Variants in ARHGAP6 observed in about 807,000 individuals in gnomAD.
ARHGAP6 encodes the protein rho GTPase-activating protein 6.
A neutral mutation model predicts 55.7 loss-of-function variants in ARHGAP6; 16 were observed. That is an observed-to-expected ratio of 0.29 (90% CI 0.19 to 0.44). The LOEUF (loss-of-function observed/expected upper bound fraction) is 0.44. ARHGAP6 is among the 20% of genes least tolerant of loss of function. ARHGAP6 has a pLI of 1.00. For missense variants in ARHGAP6, 698 were observed against 808.9 expected (o/e 0.86, Z 1.66); for synonymous variants, 382 against 360.9 (o/e 1.06, Z -0.66).
chrX:11,632,671 T>C (rs1348339442), intron 1 of ARHGAP6, among the ~76,000 whole-genome samples: 1 of 112,472 alleles, frequency 8.9e-6, no homozygotes, highest in African/African-American at 3.2e-5. Context: ...GTCTGGTACA[T>C]TAAGACCCAG....
intron 1 of ARHGAP6, among the ~76,000 whole-genome samples, chrX:11,576,492 G>A (rs2051600499): frequency 8.9e-6 from 1 of 111,802 alleles, no homozygotes; most frequent in South Asian, 3.7e-4. Context: ...GGGAAGGGCT[G>A]AGTTAATTGC....
chrX:11,570,916 A>AGT (rs1326853199), intron 1 of ARHGAP6, among the ~76,000 whole-genome samples: 4 of 111,248 alleles, frequency 3.6e-5, no homozygotes, highest in Non-Finnish European at 7.5e-5. Flanking sequence ...AGCCCTAATA[A>AGT]GTGTATTTGT....
At chrX:11,553,732 T>C (rs900377088) in intron 1 of ARHGAP6, among the ~76,000 whole-genome samples, 9 of 111,486 alleles carry the variant, frequency 8.1e-5, no homozygotes, top group African/African-American at 2.9e-4. Context: ...AGGAGCCAAA[T>C]GGATGAATAA....
intron 1 of ARHGAP6, chrX:11,294,684 T>C (rs2048051357): frequency 3.3e-6 from 3 of 918,918 alleles, no homozygotes; most frequent in South Asian, 2.0e-5. Context: ...TTACTAGCAA[T>C]AGACTAATGT....
chrX:11,407,938 A>G (rs1181053002), intron 1 of ARHGAP6, among the ~76,000 whole-genome samples: 3 of 111,231 alleles, frequency 2.7e-5, no homozygotes, highest in Non-Finnish European at 5.6e-5. Context: ...TGTTCTAAGG[A>G]ATTTATGAGT....
At chrX:11,495,796 A>G (rs1048728951) in intron 1 of ARHGAP6, among the ~76,000 whole-genome samples, 1 of 112,668 alleles carries the variant, frequency 8.9e-6, no homozygotes, top group Non-Finnish European at 1.9e-5. Flanking sequence ...AGAATATGGC[A>G]AAGGTGATGG....
intron 1 of ARHGAP6, among the ~76,000 whole-genome samples, chrX:11,615,051 T>C (rs1156413997): frequency 9.0e-6 from 1 of 111,068 alleles, no homozygotes; most frequent in Non-Finnish European, 1.9e-5. Flanking sequence ...CCTAGCTTAC[T>C]CCTTCTCCCA....
At chrX:11,607,043 G>A (rs922716140) in intron 1 of ARHGAP6, among the ~76,000 whole-genome samples, 4 of 112,008 alleles carry the variant, frequency 3.6e-5, no homozygotes, top group African/African-American at 1.3e-4. Context: ...TGTTCTTACA[G>A]TTGCCAACTC....
At chrX:11,333,755 T>C (rs1006581892) in intron 1 of ARHGAP6, among the ~76,000 whole-genome samples, 3 of 112,294 alleles carry the variant, frequency 2.7e-5, no homozygotes, top group Non-Finnish European at 5.6e-5. Flanking sequence ...ATATGGTCTG[T>C]TGATAAGGTT....
chrX:11,640,647 C>A (rs1455132726), intron 1 of ARHGAP6, among the ~76,000 whole-genome samples: 1 of 111,202 alleles, frequency 9.0e-6, no homozygotes, highest in African/African-American at 3.3e-5. Context: ...AATTTCATAC[C>A]CATCTTCCTT....
At chrX:11,158,110 T>C (rs764595607) in intron 9 of ARHGAP6, among the ~76,000 whole-genome samples, 4 of 112,023 alleles carry the variant, frequency 3.6e-5, no homozygotes, top group Admixed American at 9.4e-5. Flanking sequence ...ATAATAGTTA[T>C]ACCCCACGTT....
At chrX:11,180,831 G>C (rs1490552595) in intron 6 of ARHGAP6, among the ~76,000 whole-genome samples, 5 of 112,034 alleles carry the variant, frequency 4.5e-5, no homozygotes, top group Non-Finnish European at 9.4e-5. Flanking sequence ...AAACAAAGAA[G>C]ACTTCCACTG....
Position 11,169,481 on chromosome X carries a change from T to C in ARHGAP6, c.1809+24A>G, listed in dbSNP as rs2046059101. The stretch of plus-strand genomic sequence containing the variant: ...AACCAATAGGCAGTTTGCTGTGATG[T>C]CCTGCCACAGAAGGGCCACCTACCA... On this transcript the variant is annotated intron_variant, in intron 9 of 12. Transcript: ENST00000337414. The C allele has an allele frequency of 1.0e-5, 12 of 1,165,883 alleles. No individual in the cohort carries two copies. In the East Asian group the frequency reaches 3.7e-4, roughly 36 times the overall value.
intron 12 of ARHGAP6, among the ~76,000 whole-genome samples, chrX:11,141,101 T>A (rs1230635555): frequency 1.8e-5 from 2 of 111,860 alleles, no homozygotes; most frequent in Non-Finnish European, 3.8e-5. Context: ...AAAAATGCAC[T>A]GTGCTTTTAA....
chrX:11,231,268 G>A (rs1317404546), intron 2 of ARHGAP6, among the ~76,000 whole-genome samples: 5 of 111,817 alleles, frequency 4.5e-5, no homozygotes, highest in Non-Finnish European at 7.5e-5. Context: ...ATAAACACCC[G>A]CTTTGAAGAA....
At chrX:11,175,158 G>C (rs1235130782) in intron 8 of ARHGAP6, among the ~76,000 whole-genome samples, 1 of 111,438 alleles carries the variant, frequency 9.0e-6, no homozygotes, top group Non-Finnish European at 1.9e-5. Flanking sequence ...CAGCTTAAAA[G>C]AATCAACCAC....
At chrX:11,324,869 T>G (rs921338707) in intron 1 of ARHGAP6, among the ~76,000 whole-genome samples, 2 of 112,634 alleles carry the variant, frequency 1.8e-5, no homozygotes, top group African/African-American at 6.4e-5. Flanking sequence ...AAAATTCTTT[T>G]GAGACGGAGT....
chrX:11,362,927 GT>G lies in ARHGAP6; in HGVS notation c.589-108221del, dbSNP rs1203155571. On this transcript the variant is annotated intron_variant, in intron 1 of 12. Coordinates refer to ENST00000337414, the MANE Select transcript of ARHGAP6 (RefSeq NM_013427.3). ...TGAATACTGTCCACAAACACAGAAT[GT>G]TTTTTCTATCTTTTCAGTTGACTAA... Among the ~76,000 whole-genome samples the G allele has an allele frequency of 5.4e-5, 6 of 111,439 alleles. No homozygotes were observed. In the Admixed American group the frequency reaches 5.7e-4, roughly 11 times the overall value.
intron 1 of ARHGAP6, among the ~76,000 whole-genome samples, chrX:11,532,641 A>G (rs1266123885): frequency 9.0e-6 from 1 of 110,504 alleles, no homozygotes; most frequent in African/African-American, 3.3e-5. Context: ...ATGGTTGAAG[A>G]AAAATTAAAA....
Sources: gnomAD v4.1 joint callset for allele counts (sites outside exome capture counted in the v4.1 genomes callset) on GRCh38, gnomAD v4.1.1 for gene constraint, MANE v1.5 for transcripts, NCBI Gene and HGNC (gene_info 2026-07-23, HGNC 2026-07-21) for gene names.